GEMIN5: variants seen among roughly 807,000 people sequenced by gnomAD.
GEMIN5 encodes gem-associated protein 5.
Under a neutral mutation model 176.9 loss-of-function variants are expected in GEMIN5, and 124 were observed. That is an observed-to-expected ratio of 0.70 (90% confidence interval 0.61 to 0.81). The LOEUF (loss-of-function observed/expected upper bound fraction) is 0.81, where lower values mean the gene tolerates loss of function less well. Among genes scored for constraint, GEMIN5 ranks in the 40% least tolerant of loss-of-function variants. The pLI, the probability that GEMIN5 is intolerant of heterozygous loss-of-function variation, is 0.00. For missense variants in GEMIN5, 1,843 were observed against 1,814.6 expected (o/e 1.02, Z -0.28); for synonymous variants, 673 against 665.2 (o/e 1.01, Z -0.18).
At chr5:154,911,033 G>A (rs1471744338) in intron 15 of GEMIN5, among the ~76,000 whole-genome samples, 6 of 152,184 alleles carry the variant, frequency 3.9e-5, no homozygotes, top group East Asian at 1.9e-4. Flanking sequence ...TCCCAGATTT[G>A]GTCAGTGGGA....
intron 13 of GEMIN5, among the ~76,000 whole-genome samples, chr5:154,914,022 C>T (rs954822692): frequency 7.9e-5 from 12 of 151,834 alleles, no homozygotes; most frequent in Admixed American, 3.9e-4. Context: ...TAAATACACA[C>T]ATAATTTTTT....
rs776799933 is a variant in GEMIN5, at chr5:154,907,823, A to C, written c.2168-5T>G. The C allele has an allele frequency of 8.7e-6, 14 of 1,604,432 alleles. No individual in the cohort carries two copies. The Admixed American group carries it at 1.8e-4, about 21-fold the overall frequency. Reference sequence around the variant, plus strand: ...CCAATTCAATACTTTTTTTGCCTACAAGAATCACAATAAAGGACTGACTAA... The same window carrying C: ...CCAATTCAATACTTTTTTTGCCTACCAGAATCACAATAAAGGACTGACTAA... On this transcript the variant is annotated splice_region_variant and splice_polypyrimidine_tract_variant and intron_variant, in intron 15 of 27. Coordinates refer to ENST00000285873, the MANE Select transcript of GEMIN5 (RefSeq NM_015465.5).
rs1763460653 is a variant in GEMIN5 at position 154,901,384 on chromosome 5, T to C, written c.2969A>G (p.Lys990Arg). 6.2e-7 allele frequency: 1 copy of C among 1,613,946 alleles called. No individual in the cohort carries two copies. The highest frequency in any genetic ancestry group is 8.5e-7 in the Non-Finnish European group (1 of 1,179,822). ...GAGCAGCTCCACCGCTTCATACACT[T>C]TGTGGATGGAAAGTAGGTGAGAAGC... ...KAASHLLSIH[K>R]VYEAVELLKS... Residue 990 changes from lysine (K) to arginine (R), a missense_variant, in exon 21 of 28, where the codon AAA (lysine) becomes AGA (arginine). By Grantham distance (26) the Lys-to-Arg change is conservative. Transcript: ENST00000285873.
intron 16 of GEMIN5, among the ~76,000 whole-genome samples, chr5:154,905,872 G>C (rs1380580750): frequency 6.6e-6 from 1 of 152,078 alleles, no homozygotes; most frequent in African/African-American, 2.4e-5. Flanking sequence ...TGTATTTTTA[G>C]TAGAGACAGG....
intron 26 of GEMIN5, among the ~76,000 whole-genome samples, 196 bp from the exon 27 acceptor site, chr5:154,889,613 CTT>C (rs1166090369): frequency 3.3e-5 from 5 of 152,208 alleles, no homozygotes; most frequent in Admixed American, 1.3e-4. Flanking sequence ...TCCAAAAACT[CTT>C]GTCATTTTGT....
intron 24 of GEMIN5, among the ~76,000 whole-genome samples, chr5:154,893,037 T>C (rs113478516): frequency 0.13 from 19,548 of 151,358 alleles, 1,574 homozygotes; most frequent in African/African-American, 0.23. Flanking sequence ...GTGGAGGTTG[T>C]GGTGAGCTGA....
chr5:154,917,234 C>A (rs1348247847), intron 12 of GEMIN5, 55 bp from the exon 13 acceptor site: 13 of 1,075,194 alleles, frequency 1.2e-5, no homozygotes, highest in Non-Finnish European at 1.6e-5. Flanking sequence ...TTACAAGTTA[C>A]AATGCAAATA....
At chr5:154,891,782 C>T (rs749325129) in intron 25 of GEMIN5, 40 bp from the exon 26 acceptor site, 1 of 1,528,462 alleles carries the variant, frequency 6.5e-7, no homozygotes, top group Non-Finnish European at 8.7e-7. Context: ...ATGCATTTCT[C>T]TAGTTGCCAG....
intron 15 of GEMIN5, among the ~76,000 whole-genome samples, chr5:154,909,700 C>T (rs1296713177): frequency 6.6e-6 from 1 of 152,086 alleles, no homozygotes; most frequent in Non-Finnish European, 1.5e-5. Context: ...TCACATACAC[C>T]GGGCGCAGTG....
At chr5:154,899,142 G>A (rs1192445727) in intron 22 of GEMIN5, 49 bp downstream of exon 22, 8 of 1,547,590 alleles carry the variant, frequency 5.2e-6, no homozygotes, top group Non-Finnish European at 7.0e-6. Context: ...TCCCCTTCCT[G>A]GCAGAAGCTC....
chr5:154,895,458 A>G (rs2113458130), intron 24 of GEMIN5, among the ~76,000 whole-genome samples: 1 of 152,354 alleles, frequency 6.6e-6, no homozygotes, highest in African/African-American at 2.4e-5. Context: ...TGAAATAAGC[A>G]AACAGCAAAA....
chr5:154,906,561 A>C (rs1342472946), intron 16 of GEMIN5, among the ~76,000 whole-genome samples: 1 of 152,094 alleles, frequency 6.6e-6, no homozygotes, highest in Non-Finnish European at 1.5e-5. Flanking sequence ...CATTTTGTGA[A>C]AGAAAGACTT....
intron 8 of GEMIN5, among the ~76,000 whole-genome samples, chr5:154,925,120 GA>G (rs1322560383): frequency 1.3e-5 from 2 of 151,622 alleles, no homozygotes; most frequent in South Asian, 2.1e-4. Flanking sequence ...ATACACAATT[GA>G]AAAAAACAAA....
intron 3 of GEMIN5, among the ~76,000 whole-genome samples, chr5:154,934,128 G>T (rs1181427156): frequency 1.3e-5 from 2 of 152,078 alleles, no homozygotes. Flanking sequence ...CGATTCTCCT[G>T]CCTCACCCTC....
chr5:154,931,626 T>C, intron 4 of GEMIN5, 49 bp from the exon 5 acceptor site: 1 of 1,494,836 alleles, frequency 6.7e-7, no homozygotes. Context: ...AAACACGCAC[T>C]AATATAAAAA....
chr5:154,903,435 A>T (rs1582656950), intron 18 of GEMIN5, among the ~76,000 whole-genome samples: 1 of 152,218 alleles, frequency 6.6e-6, no homozygotes, highest in Non-Finnish European at 1.5e-5. Flanking sequence ...GAAAGTCCTT[A>T]ATATTCACTG....
chr5:154,907,525 G>A (rs1372270266), intron 16 of GEMIN5, 66 bp downstream of exon 16: 1 of 1,111,244 alleles, frequency 9.0e-7, no homozygotes, highest in African/African-American at 1.5e-5. Context: ...AACTGAGTAA[G>A]GACCTAGCTT....
intron 3 of GEMIN5, among the ~76,000 whole-genome samples, chr5:154,934,257 G>A (rs1241405140): frequency 6.6e-6 from 1 of 151,934 alleles, no homozygotes; most frequent in African/African-American, 2.4e-5. Flanking sequence ...CTCAATCCTG[G>A]CTCACCACAA....
rs368132978 is a variant in GEMIN5, at chr5:154,921,729, T to C, written c.1380-304A>G. ...ACCCATCTAGCCAGAACATATATTA[T>C]CACCACCCAAATGTATTCACTTTAC... On this transcript the variant is annotated intron_variant, in intron 9 of 27. Transcript: ENST00000285873. Among the ~76,000 whole-genome samples, 418 of 152,326 alleles carry C rather than the reference T, an allele frequency of 2.7e-3. 3 individuals are homozygous for C. Among genetic ancestry groups the C allele is most frequent in the African/African-American group, 9.8e-3 (408 of 41,578 alleles).
Sources: gnomAD v4.1 joint callset for allele counts (sites outside exome capture counted in the v4.1 genomes callset) on GRCh38, gnomAD v4.1.1 for gene constraint, MANE v1.5 for transcripts, NCBI Gene and HGNC (gene_info 2026-07-23, HGNC 2026-07-21) for gene names.